The following EGF variants were observed in gnomAD, a reference collection of about 807,000 sequenced individuals.
EGF encodes the protein pro-epidermal growth factor.
Under a neutral mutation model 143.8 loss-of-function variants are expected in EGF, and 95 were observed. The ratio of observed to expected loss-of-function variants is 0.66; its 90% CI spans 0.56 to 0.78. The LOEUF is 0.78. Ranked by LOEUF, EGF falls within the 30% of genes least tolerant of loss-of-function variation. The pLI, the probability that EGF is intolerant of heterozygous loss-of-function variation, is 0.00. For synonymous variants in EGF, 510 were observed against 510.5 expected (o/e 1.00, Z 0.01); for missense variants, 1,320 against 1,470.9 (o/e 0.90, Z 1.68).
chr4:109,962,514 G>A (rs1255809365), intron 8 of EGF, among the ~76,000 whole-genome samples: 3 of 152,168 alleles, frequency 2.0e-5, no homozygotes, highest in Admixed American at 6.5e-5. Context: ...AGCTAAAAAT[G>A]TGTGAGAGAA....
At chr4:109,998,941 C>A (rs186459312) in intron 20 of EGF, among the ~76,000 whole-genome samples, 3 of 152,274 alleles carry the variant, frequency 2.0e-5, no homozygotes, top group Admixed American at 2.0e-4. Flanking sequence ...TTAATTGTTT[C>A]TAGAAATGCA....
At chr4:109,952,462 G>A (rs1744103859) in intron 5 of EGF, among the ~76,000 whole-genome samples, 2 of 152,268 alleles carry the variant, frequency 1.3e-5, no homozygotes, top group Non-Finnish European at 1.5e-5. Context: ...GCTTCTGGAA[G>A]CAATTAGTAT....
At chr4:109,973,535 C>T (rs560408846) in intron 11 of EGF, among the ~76,000 whole-genome samples, 1 of 152,242 alleles carries the variant, frequency 6.6e-6, no homozygotes, top group South Asian at 2.1e-4. Flanking sequence ...TTACATCCTT[C>T]TTTTCAGCAT....
intron 1 of EGF, among the ~76,000 whole-genome samples, chr4:109,933,424 CTTTTTTTTT>C (rs11301315): frequency 7.0e-6 from 1 of 143,764 alleles, no homozygotes; most frequent in Non-Finnish European, 1.5e-5. Flanking sequence ...TCTTTTTTTT[CTTTTTTTTT>C]TTTTTATACT....
intron 1 of EGF, among the ~76,000 whole-genome samples, chr4:109,916,361 G>A (rs1736653165): frequency 6.6e-6 from 1 of 152,150 alleles, no homozygotes; most frequent in Non-Finnish European, 1.5e-5. Flanking sequence ...TGGTCATTGA[G>A]CTTAGTGGTA....
In EGF at chr4:110,011,409, A is replaced by T; in HGVS notation, c.3578A>T (p.Gln1193Leu). 2 of 1,614,198 alleles carry T rather than the reference A, an allele frequency of 1.2e-6. No individual in the cohort carries two copies. Residue 1193 changes from glutamine to leucine, a missense_variant, in exon 24 of 24, where the codon CAA (glutamine) becomes CTA (leucine). Gln to Leu is a moderately radical substitution (Grantham distance 113, BLOSUM62 -2). Around this residue, in one of 5 missense-constraint regions of EGF, gnomAD observed 1,186 missense variants for 1,313.7 expected, o/e 0.90. Coordinates refer to ENST00000265171, the MANE Select transcript of EGF (RefSeq NM_001963.6). ...HSLLSANPLW[Q>L]QRALDPPHQM... is the part of the protein sequence containing the mutation. ...CTCCTATCAGCTAACCCATTATGGC[A>T]ACAAAGGGCCCTGGACCCACCACAC...
intron 1 of EGF, among the ~76,000 whole-genome samples, chr4:109,934,356 G>A (rs1471670070): frequency 6.6e-6 from 1 of 151,830 alleles, no homozygotes; most frequent in East Asian, 1.9e-4. Flanking sequence ...ACATAAATGT[G>A]GTCTCTTAGG....
At chr4:110,003,791 A>T (rs1752884601) in intron 21 of EGF, among the ~76,000 whole-genome samples, 1 of 151,972 alleles carries the variant, frequency 6.6e-6, no homozygotes, top group South Asian at 2.1e-4. Flanking sequence ...GAAGCAAGAT[A>T]CCTAGTGTAT....
At chr4:110,004,934 A>G (rs1171570124) in intron 22 of EGF, among the ~76,000 whole-genome samples, 1 of 151,570 alleles carries the variant, frequency 6.6e-6, no homozygotes, top group Admixed American at 6.6e-5. Flanking sequence ...AAGGCTTTCC[A>G]TATTTTTAGT....
intron 1 of EGF, among the ~76,000 whole-genome samples, chr4:109,920,186 T>TC (rs1480855227): frequency 6.6e-6 from 1 of 151,628 alleles, no homozygotes; most frequent in Non-Finnish European, 1.5e-5. Context: ...CTGTTCGAAG[T>TC]CCTTAAACTT....
chr4:109,919,679 G>C (rs1057387099), intron 1 of EGF, among the ~76,000 whole-genome samples: 1 of 148,254 alleles, frequency 6.7e-6, no homozygotes, highest in Non-Finnish European at 1.5e-5. Flanking sequence ...CAGGAGCACT[G>C]TGGCCTCACA....
At chr4:109,916,745 A>T (rs1476234574) in intron 1 of EGF, among the ~76,000 whole-genome samples, 1 of 99,418 alleles carries the variant, frequency 1.0e-5, no homozygotes, top group African/African-American at 8.2e-5. Flanking sequence ...GATTCTATTA[A>T]TGTTTTGTTG....
rs1735999524 is a variant in EGF, at chr4:109,913,122, T to C, written c.-214T>C. ...AAAGAAACATAGATAAAGAAATCTT[T>C]CCTGTGGCTTCCCTTGGCAGGCTGC... On this transcript the variant is annotated 5_prime_UTR_variant, in exon 1 of 24. Transcript: ENST00000265171. The C allele has an allele frequency of 1.9e-6, 1 of 531,756 alleles. No homozygotes were observed. The highest frequency in any genetic ancestry group is 2.0e-5 in the South Asian group (1 of 49,862). The allele number at this position is 531,756 out of a possible 1,614,324, so 32.9% of individuals were successfully genotyped here. A position where few individuals can be genotyped will look rare whatever the true frequency, so the allele number is the denominator to read the frequency against.
chr4:109,969,144 G>GCATCACTCCAT (rs1216831207), intron 11 of EGF, 25 bp downstream of exon 11: 1 of 1,614,070 alleles, frequency 6.2e-7, no homozygotes, highest in Non-Finnish European at 8.5e-7. Context: ...TCAGTTTTAA[G>GCATCACTCCAT]CTGTGTGAGA....
chr4:109,979,571 G>T (rs1278772095), intron 13 of EGF, among the ~76,000 whole-genome samples: 2 of 152,196 alleles, frequency 1.3e-5, no homozygotes, highest in African/African-American at 4.8e-5. Context: ...TATTACTGCT[G>T]CTCAAAAGAG....
chr4:110,002,612 A>G (rs1412624927), intron 21 of EGF, among the ~76,000 whole-genome samples: 1 of 152,198 alleles, frequency 6.6e-6, no homozygotes, highest in Non-Finnish European at 1.5e-5. Context: ...TAAGAAAATC[A>G]ACAGGAAGTA....
intron 6 of EGF, 76 bp from the exon 7 acceptor site, chr4:109,960,791 G>C: frequency 6.4e-7 from 1 of 1,570,808 alleles, no homozygotes; most frequent in Non-Finnish European, 8.7e-7. Context: ...CCTGCGTTGT[G>C]ATGACTTATT....
intron 10 of EGF, 36 bp downstream of exon 10, chr4:109,964,573 T>C (rs758424003): frequency 6.2e-7 from 1 of 1,613,250 alleles, no homozygotes; most frequent in Non-Finnish European, 8.5e-7. Context: ...GTGGACATGC[T>C]TTAAGGACAG....
At chr4:109,956,907 C>T (rs147474397) in intron 5 of EGF, among the ~76,000 whole-genome samples, 114 of 152,246 alleles carry the variant, frequency 7.5e-4, no homozygotes, top group African/African-American at 2.5e-3. Flanking sequence ...GAAGGTGTAA[C>T]GTTTCACTAG....
Sources: allele counts gnomAD v4.1 joint callset (sites outside exome capture counted in the v4.1 genomes callset), GRCh38; gene constraint gnomAD v4.1.1; regional missense constraint gnomAD v4.1.1; transcripts MANE v1.5; gene names NCBI Gene and HGNC (gene_info 2026-07-23, HGNC 2026-07-21).